DEDD2: variants seen among roughly 807,000 people sequenced by gnomAD.
DEDD2 encodes DNA-binding death effector domain-containing protein 2.
A neutral mutation model predicts 28.9 loss-of-function variants in DEDD2; 18 were observed. That is an observed-to-expected ratio of 0.62 (90% CI 0.43 to 0.92). The LOEUF (loss-of-function observed/expected upper bound fraction) is 0.92, where lower values mean the gene tolerates loss of function less well. Ranked by LOEUF, DEDD2 falls within the 40% of genes least tolerant of loss-of-function variation. The pLI is 0.00. For missense variants in DEDD2, 411 were observed against 463.3 expected (o/e 0.89, Z 1.04); for synonymous variants, 211 against 206.1 (o/e 1.02, Z -0.20).
rs563883289 is a variant in DEDD2 at position 42,199,566 on chromosome 19, G to A, written c.853C>T (p.Arg285Ter). 6.2e-7 allele frequency: 1 copy of A among 1,613,898 alleles called. No homozygotes were observed. Among genetic ancestry groups the A allele is most frequent in the African/African-American group, 1.3e-5 (1 of 74,918 alleles). ...LRGVFLTEAL[R>*]EAVGREAVRL... The stretch of plus-strand genomic sequence containing the variant: ...ACAGCCTCCCGGCCCACAGCCTCTC[G>A]CAGGGCCTCAGTCAGGAACACGCCC... Residue 285 changes from arginine (R) to a stop codon, truncating the protein, a stop_gained, in exon 5 of 5, where the codon CGA (arginine) becomes TGA (stop). Transcript: ENST00000596251. LOFTEE classifies it high-confidence loss of function. The surrounding 1 kb of genome is among the most constrained non-coding windows in gnomAD (Gnocchi z 7.4).
At position 42,199,923 on chromosome 19, in the gene DEDD2, AC is replaced by A; in HGVS notation, c.590-95del. 2 of 1,463,026 alleles carry A rather than the reference AC, an allele frequency of 1.4e-6. No individual in the cohort carries two copies. Among genetic ancestry groups the A allele is most frequent in the South Asian group, 2.8e-5 (2 of 70,860 alleles). 90.6% of individuals were successfully genotyped at this position (1,463,026 alleles called of 1,614,324 possible). A position where few individuals can be genotyped will look rare whatever the true frequency, so the allele number is the denominator to read the frequency against. ...TTCCTCCCTCCAGCCTTCTCCCTCC[AC>A]CCCCTTCCGGTAGCCACACCCTAGT... On this transcript the variant is annotated intron_variant, in intron 4 of 4. Transcript: ENST00000596251. This position sits in a 1 kb window ranked among gnomAD's most constrained non-coding sequence, Gnocchi z 7.4.
At chr19:42,217,159 C>T (rs1385209708) in intron 1 of DEDD2, 114 bp from the exon 2 acceptor site, 1 of 764,934 alleles carries the variant, frequency 1.3e-6, no homozygotes, top group African/African-American at 1.8e-5. Flanking sequence ...CTCCCGCACC[C>T]CCAACCGCCT....
rs747782893 is a variant in DEDD2, at chr19:42,199,522, C to A, written c.897G>T (p.Val299=). ...GGCCAGCCTCATAGTCAGCCTCATC[C>A]ACACTGACCAGCAGGCGAACAGCCT... is the stretch of plus-strand genomic sequence containing the variant. The part of the protein sequence containing the change: ...GREAVRLLVS[V]DEADYEAGRR... Residue 299 remains valine, a synonymous_variant, in exon 5 of 5, where the codon GTG becomes GTT. Transcript: ENST00000596251. The surrounding 1 kb of genome is among the most constrained non-coding windows in gnomAD (Gnocchi z 7.4). The A allele has an allele frequency of 6.2e-7, 1 of 1,614,036 alleles. No individual in the cohort carries two copies. Among genetic ancestry groups the A allele is most frequent in the Admixed American group, 1.7e-5 (1 of 60,024 alleles).
chr19:42,215,199 C>T lies in DEDD2; in HGVS notation c.382G>A (p.Gly128Ser), dbSNP rs755041497. The T allele has an allele frequency of 6.2e-7, 1 of 1,613,414 alleles. No individual in the cohort carries two copies. The highest frequency in any genetic ancestry group is 2.2e-5 in the East Asian group (1 of 44,820). Residue 128 changes from glycine to serine, a missense_variant, in exon 3 of 5, where the codon GGT (glycine) becomes AGT (serine). Coordinates refer to ENST00000596251, the MANE Select transcript of DEDD2 (RefSeq NM_133328.4). Reference sequence around the variant, plus strand: ...GACTGCCGACGGCGACGGCAGCTACCCTCTGTCCTCTTTGAAGAGCTGGAG... The same window carrying T: ...GACTGCCGACGGCGACGGCAGCTACTCTCTGTCCTCTTTGAAGAGCTGGAG... ...GTSSSSKRTEGSCRRRRQSSS... is the reference protein window; with the variant it reads ...GTSSSSKRTESSCRRRRQSSS...
intron 4 of DEDD2, among the ~76,000 whole-genome samples, chr19:42,208,693 T>C (rs1158752878): frequency 6.6e-6 from 1 of 152,204 alleles, no homozygotes; most frequent in Non-Finnish European, 1.5e-5. Flanking sequence ...CCACCCTCTC[T>C]TGGTGGCACT....
At chr19:42,200,306 CAG>C (rs368415844) in intron 4 of DEDD2, among the ~76,000 whole-genome samples, 216 of 152,386 alleles carry the variant, frequency 1.4e-3, no homozygotes, top group African/African-American at 5.0e-3. Flanking sequence ...CATGGAGAGA[CAG>C]ATGACAGCAA....
chr19:42,217,177 C>G, intron 1 of DEDD2, 132 bp from the exon 2 acceptor site: 1 of 673,748 alleles, frequency 1.5e-6, no homozygotes, highest in Non-Finnish European at 2.5e-6. Flanking sequence ...CCTCGGCCTC[C>G]CCCTCCCCCG....
upstream of DEDD2, among the ~76,000 whole-genome samples, chr19:42,219,783 A>G (rs2036097912): frequency 6.6e-6 from 1 of 152,212 alleles, no homozygotes; most frequent in Admixed American, 6.5e-5. Flanking sequence ...TAGGAAAGCA[A>G]TTTAACAAAC....
At position 42,214,407 on chromosome 19, in the gene DEDD2, G is replaced by A. The variant is rs191570070; in HGVS notation, c.448+726C>T. Among the ~76,000 whole-genome samples, 14 of 152,132 alleles carry A rather than the reference G, an allele frequency of 9.2e-5. No homozygotes were observed. The East Asian group carries it at 1.4e-3, about 15-fold the overall frequency. On this transcript the variant is annotated intron_variant, in intron 3 of 4. Coordinates refer to ENST00000596251, the MANE Select transcript of DEDD2 (RefSeq NM_133328.4). ...TGGGTGGCAGAGGTTGCAGTGAGCC[G>A]AGATTGCACCACTGCACCGAAGCCT...
At chr19:42,209,864 GTTGAGGACCAGGATGACAGC>G in intron 3 of DEDD2, 24 bp from the exon 4 acceptor site, 1 of 1,506,600 alleles carries the variant, frequency 6.6e-7, no homozygotes, top group Non-Finnish European at 8.9e-7. Flanking sequence ...AATGGGGCAA[GTTGAGGACCAGGATGACAGC>G]TAGAGTGCCC....
chr19:42,213,296 A>T (rs1323116524), intron 3 of DEDD2, among the ~76,000 whole-genome samples: 1 of 152,192 alleles, frequency 6.6e-6, no homozygotes, highest in Non-Finnish European at 1.5e-5. Flanking sequence ...GAATTAGAAA[A>T]ATCACCATTT....
intron 3 of DEDD2, among the ~76,000 whole-genome samples, chr19:42,212,987 A>C (rs2035828275): frequency 6.6e-6 from 1 of 152,218 alleles, no homozygotes; most frequent in Non-Finnish European, 1.5e-5. Context: ...AACAATATAC[A>C]CACTCAACAC....
intron 4 of DEDD2, chr19:42,201,964 G>A: frequency 2.5e-6 from 1 of 398,816 alleles, no homozygotes; most frequent in Admixed American, 4.4e-5. Context: ...ACAGAGGCAG[G>A]GCCAGGTGGC....
In DEDD2 at chr19:42,199,811, C is replaced by G. The variant is rs778456348; in HGVS notation, c.608G>C (p.Arg203Pro). The change falls in exon 5 of 5, where the codon CGA (arginine) becomes CCA (proline). Residue 203 changes from arginine (R) to proline (P), a missense_variant. By Grantham distance (103) the Arg-to-Pro change is moderately radical (BLOSUM62 -2). This residue lies in a region of DEDD2 where 129 missense variants were observed against 189.9 expected (regional missense o/e 0.68). Coordinates refer to ENST00000596251, the MANE Select transcript of DEDD2 (RefSeq NM_133328.4). The surrounding 1 kb of genome is among the most constrained non-coding windows in gnomAD (Gnocchi z 7.4). ...TGGCCCATGCTCGCAGTACTCTGCT[C>G]GAACCCGGAGCCGGATGTCTGCAGG... is the stretch of plus-strand genomic sequence containing the variant. ...KVTCDIRLRVRAEYCEHGPAL... is the reference protein window; with the variant it reads ...KVTCDIRLRVPAEYCEHGPAL... 6.3e-7 allele frequency: 1 copy of G among 1,596,258 alleles called. No individual in the cohort carries two copies. Among genetic ancestry groups the G allele is most frequent in the Non-Finnish European group, 8.5e-7 (1 of 1,171,232 alleles).
rs1042987426 is a variant in DEDD2 at position 42,215,119 on chromosome 19, C to A, written c.448+14G>T. The stretch of plus-strand genomic sequence containing the variant: ...AGAGGGATGCTGCCATTACACCCAC[C>A]CAGCTGGGCTCACCTGTCTCCCACT... On this transcript the variant is annotated intron_variant, in intron 3 of 4. Coordinates refer to ENST00000596251, the MANE Select transcript of DEDD2 (RefSeq NM_133328.4). 6.2e-7 allele frequency: 1 copy of A among 1,613,524 alleles called. No homozygotes were observed. Among genetic ancestry groups the A allele is most frequent in the Admixed American group, 1.7e-5 (1 of 59,966 alleles).
rs991158015 is a variant in DEDD2, at chr19:42,216,723, G to A, written c.285C>T (p.Arg95=). The A allele has an allele frequency of 5.7e-6, 9 of 1,591,260 alleles. No individual in the cohort carries two copies. The highest frequency in any genetic ancestry group is 7.7e-6 in the Non-Finnish European group (9 of 1,171,794). The change falls in exon 2 of 5, where the codon CGC becomes CGT. Residue 95 remains arginine, a synonymous_variant. Coordinates refer to ENST00000596251, the MANE Select transcript of DEDD2 (RefSeq NM_133328.4). ...LLGQLLRVLA[R]HDLLPHLARK... is the part of the protein sequence containing the mutation. ...GCGCCAGGTGCGGCAGCAGGTCGTG[G>A]CGGGCCAGCACGCGCAGGAGTTGCC...
At chr19:42,208,139 T>A (rs1403088219) in intron 4 of DEDD2, among the ~76,000 whole-genome samples, 1 of 152,158 alleles carries the variant, frequency 6.6e-6, no homozygotes, top group Non-Finnish European at 1.5e-5. Context: ...CCCTTCTGTG[T>A]TTCCCAAGCT....
intron 2 of DEDD2, among the ~76,000 whole-genome samples, chr19:42,215,591 A>G (rs2035935311): frequency 6.6e-6 from 1 of 152,096 alleles, no homozygotes; most frequent in African/African-American, 2.4e-5. Context: ...CAGGCTCCCC[A>G]AATCTTCTCT....
At chr19:42,217,769 G>GC (rs2036047518), upstream of DEDD2, 1 of 152,330 alleles carries the variant, frequency 6.6e-6, no homozygotes, top group Admixed American at 6.5e-5. Flanking sequence ...CGACCGCCAC[G>GC]CCCCTTCGGC....
Sources: allele counts gnomAD v4.1 joint callset (sites outside exome capture counted in the v4.1 genomes callset), GRCh38; gene constraint gnomAD v4.1.1; regional missense constraint gnomAD v4.1.1; non-coding constraint Gnocchi (gnomAD v3.1); transcripts MANE v1.5; gene names NCBI Gene and HGNC (gene_info 2026-07-23, HGNC 2026-07-21).